CACHD1: variants seen among roughly 807,000 people sequenced by gnomAD.
CACHD1 encodes the protein cache domain containing 1.
A neutral mutation model predicts 138.7 loss-of-function variants in CACHD1; 71 were observed. That is an observed-to-expected ratio of 0.51 (90% CI 0.42 to 0.62). The LOEUF (loss-of-function observed/expected upper bound fraction) is 0.62, where lower values mean the gene tolerates loss of function less well. Among genes scored for constraint, CACHD1 ranks in the 20% least tolerant of loss-of-function variants. The probability of loss-of-function intolerance (pLI) is 0.00; values close to 1 mark genes in which losing one functional copy is unlikely to be tolerated. For synonymous variants in CACHD1, 578 were observed against 591.5 expected, an observed-to-expected ratio of 0.98 and a Z score of 0.33; for missense variants, 1,389 against 1,625.3, an observed-to-expected ratio of 0.85 and a Z score of 2.50.
intron 4 of CACHD1, among the ~76,000 whole-genome samples, chr1:64,607,550 AT>A (rs1481735417): frequency 4.6e-5 from 7 of 152,184 alleles, no homozygotes; most frequent in Non-Finnish European, 1.0e-4. Context: ...TCAAGAAGAT[AT>A]TTTTTAATTG....
chr1:64,685,899 G>A (rs1474690653), intron 26 of CACHD1, among the ~76,000 whole-genome samples: 4 of 151,810 alleles, frequency 2.6e-5, no homozygotes, highest in African/African-American at 7.3e-5. Context: ...AGGATGAAAT[G>A]AAATGACATA....
chr1:64,682,290 C>T (rs932693826), intron 26 of CACHD1, among the ~76,000 whole-genome samples, 184 bp downstream of exon 26: 5 of 152,180 alleles, frequency 3.3e-5, no homozygotes, highest in African/African-American at 7.2e-5. Context: ...AGATTGCTTT[C>T]AAGTTTTTCT....
At chr1:64,543,477 G>A (rs1361237333) in intron 1 of CACHD1, among the ~76,000 whole-genome samples, 2 of 150,434 alleles carry the variant, frequency 1.3e-5, no homozygotes, top group Non-Finnish European at 2.9e-5. Flanking sequence ...TTGGGAGGCT[G>A]AGGCGAGAGG....
chr1:64,509,665 A>C (rs1471953945), intron 1 of CACHD1, among the ~76,000 whole-genome samples: 1 of 152,234 alleles, frequency 6.6e-6, no homozygotes, highest in Non-Finnish European at 1.5e-5. Context: ...GAAGGAAAAC[A>C]CTACAACATT....
In CACHD1 at chr1:64,573,630, A is replaced by G. The variant is rs140151589; in HGVS notation, c.262-8526A>G. On this transcript the variant is annotated intron_variant, in intron 2 of 26. Coordinates refer to ENST00000651257, the MANE Select transcript of CACHD1 (RefSeq NM_020925.4). ...CTACACTCAGAGGAAGATCTTTCCA[A>G]TATGGCAAATAATGGTATATTGTGT... Among the ~76,000 whole-genome samples the G allele has an allele frequency of 1.7e-4, 26 of 152,318 alleles. No homozygotes were observed. In the East Asian group the frequency reaches 3.7e-3, roughly 21 times the overall value.
intron 3 of CACHD1, among the ~76,000 whole-genome samples, chr1:64,598,391 T>C (rs1437161248): frequency 6.6e-6 from 1 of 152,162 alleles, no homozygotes; most frequent in Non-Finnish European, 1.5e-5. Flanking sequence ...CTCACGGCAG[T>C]TGAGACTCTT....
rs1648749455 is a variant in CACHD1, at chr1:64,642,432, A to C, written c.1156+463A>C. On this transcript the variant is annotated intron_variant, in intron 8 of 26. Transcript: ENST00000651257. ...CCACTTTCTCCACCTCAGCTTCCTT[A>C]GCTGTAAAATGGAGATAAGCATTAT... Among the ~76,000 whole-genome samples, 8 of 152,270 alleles carry C rather than the reference A, an allele frequency of 5.3e-5. No homozygotes were observed. In the South Asian group the frequency reaches 1.5e-3, roughly 28 times the overall value.
intron 2 of CACHD1, among the ~76,000 whole-genome samples, chr1:64,561,366 C>G (rs1646837686): frequency 6.6e-6 from 1 of 151,968 alleles, no homozygotes; most frequent in Non-Finnish European, 1.5e-5. Flanking sequence ...AGCTTTTGCT[C>G]TAAATTGCCA....
Position 64,664,085 on chromosome 1 carries a change from G to C in CACHD1, c.2094+248G>C, listed in dbSNP as rs977273212. 5.7e-6 allele frequency: 3 copies of C among 528,604 alleles called. No individual in the cohort carries two copies. In the African/African-American group the frequency reaches 5.7e-5, roughly 10 times the overall value. The allele number at this position is 528,604 out of a possible 1,614,324, so 32.7% of individuals were successfully genotyped here. ...GCACTGGGGGTTTCCAGTGATGTTA[G>C]AGGGATGTGATTTAGAGACTAGTGA... On this transcript the variant is annotated intron_variant, in intron 14 of 26. Transcript: ENST00000651257.
chr1:64,541,645 C>CAAACA lies in CACHD1; in HGVS notation c.199-8934_199-8930dup, dbSNP rs1010885873. 2.6e-5 allele frequency among the ~76,000 whole-genome samples: 4 copies of CAAACA among 151,702 alleles called. No individual in the cohort carries two copies. In the South Asian group the frequency reaches 6.2e-4, roughly 24 times the overall value. On this transcript the variant is annotated intron_variant, in intron 1 of 26. Transcript: ENST00000651257. The stretch of plus-strand genomic sequence containing the variant: ...CAACATAGCGACACCCTGTCTCTAC[C>CAAACA]AAACAAAACAAAACAAAACCAACAA...
chr1:64,561,980 G>T (rs544983121), intron 2 of CACHD1, among the ~76,000 whole-genome samples: 1 of 152,044 alleles, frequency 6.6e-6, no homozygotes, highest in South Asian at 2.1e-4. Flanking sequence ...CTGTCTGCTG[G>T]ACTCTGTAGT....
chr1:64,614,368 A>T (rs1051120898), intron 4 of CACHD1, among the ~76,000 whole-genome samples: 1 of 151,740 alleles, frequency 6.6e-6, no homozygotes, highest in African/African-American at 2.4e-5. Flanking sequence ...TCATCTAAAC[A>T]CCTGGCTGGA....
intron 6 of CACHD1, among the ~76,000 whole-genome samples, chr1:64,633,249 AT>A (rs1361619995): frequency 2.6e-5 from 4 of 152,176 alleles, no homozygotes; most frequent in Admixed American, 6.5e-5. Flanking sequence ...CCATCTGTAT[AT>A]TTTTTTAAAT....
chr1:64,535,786 T>C (rs543646021), intron 1 of CACHD1, among the ~76,000 whole-genome samples: 1 of 152,302 alleles, frequency 6.6e-6, no homozygotes, highest in East Asian at 1.9e-4. Flanking sequence ...CCATGAGTCT[T>C]ACACATGCTG....
rs760940419 is a variant in CACHD1, at chr1:64,658,838, G to A, written c.1916G>A (p.Ser639Asn). ...CGGCTGGATCTCCTTGGCCAGCCCA[G>A]TGCTTGCCTCCACTTCAAACAGCTG... ...YHRLDLLGQP[S>N]ACLHFKQLAT... The change falls in exon 13 of 27, where the codon AGT becomes AAT. Residue 639 changes from serine to asparagine, a missense_variant. Coordinates refer to ENST00000651257, the MANE Select transcript of CACHD1 (RefSeq NM_020925.4). 6.3e-7 allele frequency: 1 copy of A among 1,583,716 alleles called. No homozygotes were observed. The highest frequency in any genetic ancestry group is 1.1e-5 in the South Asian group (1 of 87,746).
At position 64,682,105 on chromosome 1, in the gene CACHD1, T is replaced by C; in HGVS notation, c.3585T>C (p.His1195=). 1 of 1,613,856 alleles carries C rather than the reference T, an allele frequency of 6.2e-7. No homozygotes were observed. The highest frequency in any genetic ancestry group is 1.7e-4 in the Middle Eastern group (1 of 6,056). Residue 1195 remains histidine, a splice_region_variant and synonymous_variant, in exon 26 of 27, where the codon CAT becomes CAC. Coordinates refer to ENST00000651257, the MANE Select transcript of CACHD1 (RefSeq NM_020925.4). ...YWGRSGTESD[H]GYSTMSPQED... is the part of the protein sequence containing the mutation. ...GTCGATCAGGAACAGAAAGTGATCA[T>C]GGTAAGGTCTAGCTTCCTGCATTTG...
chr1:64,680,294 GCCTGGCCAA>G (rs753352770), intron 24 of CACHD1, among the ~76,000 whole-genome samples: 1 of 152,072 alleles, frequency 6.6e-6, no homozygotes. Context: ...TTCAAGACCA[GCCTGGCCAA>G]CATGGTGAAA....
At chr1:64,667,531 C>G (rs1649675392) in intron 16 of CACHD1, among the ~76,000 whole-genome samples, 1 of 152,224 alleles carries the variant, frequency 6.6e-6, no homozygotes, top group Non-Finnish European at 1.5e-5. Context: ...CAAGTAAACA[C>G]TTACTTAGAA....
Position 64,691,396 on chromosome 1 carries a change from C to T in CACHD1, c.3660C>T (p.Val1220=), listed in dbSNP as rs1450556387. 3 of 1,614,076 alleles carry T rather than the reference C, an allele frequency of 1.9e-6. No homozygotes were observed. Among genetic ancestry groups the T allele is most frequent in the South Asian group, 1.1e-5 (1 of 91,074 alleles). Residue 1220 remains valine (V), a synonymous_variant, in exon 27 of 27, where the codon GTC becomes GTT. Coordinates refer to ENST00000651257, the MANE Select transcript of CACHD1 (RefSeq NM_020925.4). ...ACAATGACCCCTTGTCAGCCGGGGT[C>T]GATGTGGGAAACCATGATGAGGACT... The part of the protein sequence containing the change: ...PCNNDPLSAG[V]DVGNHDEDLD...
Sources: gnomAD v4.1 joint callset for allele counts (sites outside exome capture counted in the v4.1 genomes callset) on GRCh38, gnomAD v4.1.1 for gene constraint, MANE v1.5 for transcripts, NCBI Gene and HGNC (gene_info 2026-07-23, HGNC 2026-07-21) for gene names.